Variants in FRAS1 observed in about 807,000 individuals in gnomAD.
FRAS1 encodes extracellular matrix organizing protein FRAS1.
A neutral mutation model predicts 435.2 loss-of-function variants in FRAS1; 290 were observed. The ratio of observed to expected loss-of-function variants is 0.67; its 90% CI spans 0.61 to 0.73. The LOEUF (loss-of-function observed/expected upper bound fraction) is 0.73, where lower values mean the gene tolerates loss of function less well. Among genes scored for constraint, FRAS1 ranks in the 30% least tolerant of loss-of-function variants. The pLI, the probability that FRAS1 is intolerant of heterozygous loss-of-function variation, is 0.00. For synonymous variants in FRAS1, 1,800 were observed against 1,851.0 expected (o/e 0.97, Z 0.71); for missense variants, 4,860 against 5,001.5 (o/e 0.97, Z 0.85).
rs1729048432 is a variant in FRAS1 at position 78,312,124 on chromosome 4, T to C, written c.1679-3470T>C. Among the ~76,000 whole-genome samples the C allele has an allele frequency of 4.7e-5, 7 of 150,492 alleles. 1 individual carries two copies. In the South Asian group the frequency reaches 1.5e-3, roughly 31 times the overall value. ...TAAGGTTCAAAAATAAATTAATCTCTCTTCTATTAATTTGATGTTTTATCT... is the reference window on the plus strand; with the variant it reads ...TAAGGTTCAAAAATAAATTAATCTCCCTTCTATTAATTTGATGTTTTATCT... On this transcript the variant is annotated intron_variant, in intron 15 of 73. Coordinates refer to ENST00000512123, the MANE Select transcript of FRAS1 (RefSeq NM_025074.7).
chr4:78,285,775 CT>C (rs1727559775), intron 13 of FRAS1, among the ~76,000 whole-genome samples: 1 of 152,106 alleles, frequency 6.6e-6, no homozygotes, highest in African/African-American at 2.4e-5. Context: ...ATTCCAGTAC[CT>C]TCCTCAGAGG....
intron 2 of FRAS1, among the ~76,000 whole-genome samples, chr4:78,114,957 G>C (rs564436629): frequency 3.9e-5 from 6 of 152,184 alleles, no homozygotes; most frequent in South Asian, 2.1e-4. Flanking sequence ...TATGATATTG[G>C]CTGTGGGTTT....
chr4:78,455,420 A>AGGG (rs148293537), intron 47 of FRAS1, among the ~76,000 whole-genome samples: 2,949 of 149,018 alleles, frequency 0.02, 74 homozygotes, highest in African/African-American at 0.059. Context: ...GGAGTTGAGG[A>AGGG]GGGAGGGGGT....
chr4:78,361,759 CAA>C (rs1731081034), intron 20 of FRAS1, among the ~76,000 whole-genome samples: 3 of 152,280 alleles, frequency 2.0e-5, no homozygotes, highest in African/African-American at 7.2e-5. Flanking sequence ...TGAGATGAAA[CAA>C]GACATTTTGG....
chr4:78,364,262 C>A (rs1019507091), intron 22 of FRAS1, among the ~76,000 whole-genome samples: 1 of 152,170 alleles, frequency 6.6e-6, no homozygotes, highest in East Asian at 1.9e-4. Context: ...CTGGGCTTGG[C>A]GGTGGGGTCT....
intron 2 of FRAS1, among the ~76,000 whole-genome samples, chr4:78,227,458 TGA>T (rs1331698722): frequency 2.0e-5 from 3 of 152,242 alleles, no homozygotes; most frequent in Non-Finnish European, 4.4e-5. Context: ...ATCATGAGGC[TGA>T]GTCACTGGCA....
intron 2 of FRAS1, among the ~76,000 whole-genome samples, chr4:78,104,756 T>C (rs530100540): frequency 6.6e-6 from 1 of 152,334 alleles, no homozygotes; most frequent in African/African-American, 2.4e-5. Context: ...TTAGAAGAAC[T>C]TTCAACTGAA....
intron 2 of FRAS1, among the ~76,000 whole-genome samples, chr4:78,068,026 T>C (rs1257754641): frequency 6.6e-6 from 1 of 152,006 alleles, no homozygotes; most frequent in Non-Finnish European, 1.5e-5. Context: ...CTTGTTATTG[T>C]AGTTATGCAA....
intron 39 of FRAS1, 46 bp from the exon 40 acceptor site, chr4:78,438,856 C>A: frequency 6.4e-7 from 1 of 1,557,920 alleles, no homozygotes; most frequent in Non-Finnish European, 8.7e-7. Flanking sequence ...TCTTACCTGG[C>A]TTGTCATCGT....
In FRAS1 at chr4:78,194,185, C is replaced by T. The variant is rs576764812; in HGVS notation, c.109-43325C>T. ...TCCCTTTGTGGGTAACCCGACCTTT[C>T]TCTCTGGCTGCCCTTAAGATTTTTT... On this transcript the variant is annotated intron_variant, in intron 2 of 73. Transcript: ENST00000512123. Among the ~76,000 whole-genome samples, 65 of 152,332 alleles carry T rather than the reference C, an allele frequency of 4.3e-4. 1 individual carries two copies. The highest frequency in any genetic ancestry group is 1.5e-3 in the African/African-American group (62 of 41,572).
rs746033369 is a variant in FRAS1 at position 78,513,467 on chromosome 4, A to C, written c.10089A>C (p.Leu3363Phe). ...TCTCCACCATGCCGTTGCACAACTT[A>C]CATTTTCTACTGTCTGAGTCCATCT... is the stretch of plus-strand genomic sequence containing the variant. ...PLISTMPLHN[L>F]HFLLSESIYR... Residue 3363 changes from leucine (L) to phenylalanine (F), a missense_variant, in exon 65 of 74, where the codon TTA becomes TTC. By Grantham distance (22) the Leu-to-Phe change is conservative. Coordinates refer to ENST00000512123, the MANE Select transcript of FRAS1 (RefSeq NM_025074.7). 5.6e-5 allele frequency: 91 copies of C among 1,613,838 alleles called. No homozygotes were observed. Among genetic ancestry groups the C allele is most frequent in the Non-Finnish European group, 7.6e-5 (90 of 1,179,854 alleles).
intron 66 of FRAS1, among the ~76,000 whole-genome samples, chr4:78,518,422 G>GTATATATATATATA (rs71216219): frequency 1.3e-3 from 182 of 135,654 alleles, no homozygotes; most frequent in African/African-American, 5.3e-3. Flanking sequence ...TTTTTGTTGT[G>GTATATATATATATA]TATATATATA....
At chr4:78,169,250 T>A (rs1234927950) in intron 2 of FRAS1, among the ~76,000 whole-genome samples, 2 of 152,152 alleles carry the variant, frequency 1.3e-5, no homozygotes, top group Admixed American at 6.5e-5. Context: ...TCAATTTCCC[T>A]GACTGGGTCT....
chr4:78,287,901 T>C (rs1009378286), intron 14 of FRAS1, among the ~76,000 whole-genome samples: 5 of 152,180 alleles, frequency 3.3e-5, no homozygotes, highest in Non-Finnish European at 7.3e-5. Flanking sequence ...TTATAGAATA[T>C]GGAAGGCAGA....
At chr4:78,168,210 C>CT (rs1379725093) in intron 2 of FRAS1, among the ~76,000 whole-genome samples, 1 of 151,970 alleles carries the variant, frequency 6.6e-6, no homozygotes, top group Non-Finnish European at 1.5e-5. Context: ...GACTAATGCC[C>CT]TTTGTAGAGC....
chr4:78,288,435 C>T (rs1238311722), intron 14 of FRAS1, among the ~76,000 whole-genome samples: 1 of 152,144 alleles, frequency 6.6e-6, no homozygotes, highest in African/African-American at 2.4e-5. Flanking sequence ...GGGGGGAGGG[C>T]ATTTTCCTTT....
intron 2 of FRAS1, among the ~76,000 whole-genome samples, chr4:78,082,819 T>C (rs1346849232): frequency 2.6e-5 from 4 of 152,154 alleles, no homozygotes; most frequent in African/African-American, 9.7e-5. Flanking sequence ...TCTCGTCAAT[T>C]TGTTTAAAAG....
intron 2 of FRAS1, among the ~76,000 whole-genome samples, chr4:78,168,252 GCGTATGGTTC>G (rs1721413632): frequency 6.6e-6 from 1 of 152,042 alleles, no homozygotes; most frequent in Non-Finnish European, 1.5e-5. Context: ...GAGACACATA[GCGTATGGTTC>G]TTCTTGTCCC....
chr4:78,481,110 C>G (rs1036618206), intron 56 of FRAS1, among the ~76,000 whole-genome samples: 1 of 152,212 alleles, frequency 6.6e-6, no homozygotes, highest in East Asian at 1.9e-4. Context: ...CATCTCACAG[C>G]ATGTTGGCTA....
Sources: gnomAD v4.1 joint callset for allele counts (sites outside exome capture counted in the v4.1 genomes callset) on GRCh38, gnomAD v4.1.1 for gene constraint, MANE v1.5 for transcripts, NCBI Gene and HGNC (gene_info 2026-07-23, HGNC 2026-07-21) for gene names.